Variants in CDK14 observed in about 807,000 individuals in gnomAD.
CDK14 encodes cyclin-dependent kinase 14.
Under a neutral mutation model 60.7 loss-of-function variants are expected in CDK14, and 34 were observed. That is an observed-to-expected ratio of 0.56 (90% confidence interval 0.43 to 0.75). The LOEUF is 0.75. CDK14 is among the 30% of genes least tolerant of loss of function. CDK14 has a pLI of 0.00. For synonymous variants in CDK14, 197 were observed against 203.7 expected, an observed-to-expected ratio of 0.97 and a Z score of 0.28; for missense variants, 482 against 564.1, an observed-to-expected ratio of 0.85 and a Z score of 1.47.
chr7:91,202,058 A>C (rs913905458), intron 14 of CDK14, among the ~76,000 whole-genome samples: 2 of 151,726 alleles, frequency 1.3e-5, no homozygotes, highest in African/African-American at 4.9e-5. Flanking sequence ...TACCAGGCAG[A>C]CTCTCTCCCA....
intron 2 of CDK14, among the ~76,000 whole-genome samples, chr7:90,656,525 A>G (rs1987865): frequency 0.87 from 131,785 of 151,918 alleles, 57,409 homozygotes; most frequent in East Asian, 1. Context: ...GACTACAGGC[A>G]CGTGCCACCA....
chr7:90,942,589 A>G (rs1793968529), intron 8 of CDK14, among the ~76,000 whole-genome samples: 1 of 152,126 alleles, frequency 6.6e-6, no homozygotes, highest in South Asian at 2.1e-4. Flanking sequence ...TTCAGCACAC[A>G]CCCTTTCTTC....
At chr7:91,175,714 G>A (rs1801720239) in intron 14 of CDK14, among the ~76,000 whole-genome samples, 1 of 149,882 alleles carries the variant, frequency 6.7e-6, no homozygotes, top group Non-Finnish European at 1.5e-5. Context: ...GACAAAGAAG[G>A]CCATTACATA....
At chr7:90,991,417 G>C (rs773157245) in intron 10 of CDK14, among the ~76,000 whole-genome samples, 3 of 152,148 alleles carry the variant, frequency 2.0e-5, no homozygotes, top group Admixed American at 2.0e-4. Flanking sequence ...TTGGGGGATT[G>C]GAGGGCTAGA....
chr7:90,825,077 A>G (rs1789677195), intron 5 of CDK14, among the ~76,000 whole-genome samples: 1 of 152,222 alleles, frequency 6.6e-6, no homozygotes, highest in Admixed American at 6.5e-5. Context: ...TCAATTCAGG[A>G]TTCATGGACA....
At chr7:90,869,912 T>C (rs1791309711) in intron 6 of CDK14, among the ~76,000 whole-genome samples, 1 of 152,204 alleles carries the variant, frequency 6.6e-6, no homozygotes, top group Non-Finnish European at 1.5e-5. Flanking sequence ...GTTGCCAAAA[T>C]GGGAACATCC....
intron 8 of CDK14, among the ~76,000 whole-genome samples, chr7:90,950,956 A>C (rs1413885180): frequency 2.0e-5 from 3 of 149,742 alleles, no homozygotes; most frequent in Non-Finnish European, 4.5e-5. Context: ...ATCTTCAAAC[A>C]GTGTTACCAC....
At chr7:91,097,200 G>A (rs1156397481) in intron 12 of CDK14, among the ~76,000 whole-genome samples, 3 of 152,052 alleles carry the variant, frequency 2.0e-5, no homozygotes, top group Non-Finnish European at 4.4e-5. Context: ...GGCCAACATG[G>A]TGAAACCCTG....
At chr7:90,698,243 A>G (rs1399124018) in intron 2 of CDK14, among the ~76,000 whole-genome samples, 1 of 152,158 alleles carries the variant, frequency 6.6e-6, no homozygotes, top group East Asian at 1.9e-4. Flanking sequence ...ACTACATTTT[A>G]TAAGTGTTTA....
At chr7:90,710,868 C>T (rs952086609) in intron 2 of CDK14, among the ~76,000 whole-genome samples, 100 of 151,814 alleles carry the variant, frequency 6.6e-4, no homozygotes, top group African/African-American at 2.4e-3. Flanking sequence ...TTTGATGTGG[C>T]GGGGGTTTGA....
At chr7:90,979,306 G>A (rs991497131) in intron 9 of CDK14, 1 of 152,092 alleles carries the variant, frequency 6.6e-6, no homozygotes, top group Non-Finnish European at 1.5e-5. Context: ...TGTCCACATA[G>A]AGCCATAACA....
At chr7:90,728,484 T>C (rs1802723697) in intron 3 of CDK14, among the ~76,000 whole-genome samples, 1 of 152,070 alleles carries the variant, frequency 6.6e-6, no homozygotes, top group Admixed American at 6.6e-5. Flanking sequence ...CTAATATTTA[T>C]TTCCATGAAC....
chr7:90,702,291 T>A (rs1801801820), intron 2 of CDK14, among the ~76,000 whole-genome samples: 1 of 152,156 alleles, frequency 6.6e-6, no homozygotes, highest in African/African-American at 2.4e-5. Context: ...GTTGTCACTA[T>A]GTTACCGAAT....
chr7:91,094,491 C>T (rs1211262954), intron 12 of CDK14, among the ~76,000 whole-genome samples: 1 of 152,138 alleles, frequency 6.6e-6, no homozygotes, highest in East Asian at 1.9e-4. Context: ...TGCCTCACAG[C>T]ATGCCAGAAT....
At chr7:90,781,618 T>A (rs997617281) in intron 4 of CDK14, among the ~76,000 whole-genome samples, 2 of 150,804 alleles carry the variant, frequency 1.3e-5, no homozygotes, top group African/African-American at 4.9e-5. Flanking sequence ...AGGATCCAGT[T>A]TCAGCTTTCT....
intron 3 of CDK14, among the ~76,000 whole-genome samples, chr7:90,744,972 T>G (rs1803533707): frequency 6.6e-6 from 1 of 152,228 alleles, no homozygotes; most frequent in African/African-American, 2.4e-5. Context: ...TCCTCTAACC[T>G]CTCACTCCTT....
chr7:91,026,203 G>T (rs925395793), intron 10 of CDK14, among the ~76,000 whole-genome samples: 1 of 152,122 alleles, frequency 6.6e-6, no homozygotes, highest in African/African-American at 2.4e-5. Context: ...AGAGATCAGA[G>T]GAAGAGTAGA....
At chr7:91,048,487 A>G (rs1375169272) in intron 11 of CDK14, among the ~76,000 whole-genome samples, 3 of 152,216 alleles carry the variant, frequency 2.0e-5, no homozygotes, top group Non-Finnish European at 4.4e-5. Context: ...ACACATACAC[A>G]TTGCATATAT....
chr7:90,836,771 A>T (rs1790114662), intron 5 of CDK14, among the ~76,000 whole-genome samples: 1 of 152,260 alleles, frequency 6.6e-6, no homozygotes, highest in African/African-American at 2.4e-5. Flanking sequence ...AGCATCACAC[A>T]AACACAGGAG....
Sources: gnomAD v4.1 joint callset for allele counts (sites outside exome capture counted in the v4.1 genomes callset) on GRCh38, gnomAD v4.1.1 for gene constraint, MANE v1.5 for transcripts, NCBI Gene and HGNC (gene_info 2026-07-23, HGNC 2026-07-21) for gene names.